PARP11: variants seen among roughly 807,000 people sequenced by gnomAD.
PARP11 encodes poly(ADP-ribose) polymerase family member 11.
In PARP11, 31 loss-of-function variants were observed where a neutral mutation model predicts 42.9. The observed-to-expected ratio is 0.72, with a 90% CI of 0.54 to 0.98. PARP11 has a LOEUF of 0.98. Among genes scored for constraint, PARP11 ranks in the 50% least tolerant of loss-of-function variants. PARP11 has a pLI of 0.00. For synonymous variants in PARP11, 137 were observed against 127.3 expected, an observed-to-expected ratio of 1.08 and a Z score of -0.51; for missense variants, 365 against 413.1, an observed-to-expected ratio of 0.88 and a Z score of 1.01.
At chr12:3,864,561 T>C (rs1157176612) in intron 1 of PARP11, among the ~76,000 whole-genome samples, 1 of 152,242 alleles carries the variant, frequency 6.6e-6, no homozygotes, top group African/African-American at 2.4e-5. Context: ...TTAGAATGAT[T>C]TTTTTCTGCA....
Position 3,840,140 on chromosome 12 carries a change from C to A in PARP11, c.19-10122G>T. 2 of 1,610,880 alleles carry A rather than the reference C, an allele frequency of 1.2e-6. No individual in the cohort carries two copies. Among genetic ancestry groups the A allele is most frequent in the Non-Finnish European group, 1.7e-6 (2 of 1,177,012 alleles). ...CAAAAACGTGATTATTCCATTGCTGCTGGCTTACAATATGAAGTTGGAGAC... is the reference window on the plus strand; with the variant it reads ...CAAAAACGTGATTATTCCATTGCTGATGGCTTACAATATGAAGTTGGAGAC... On this transcript the variant is annotated intron_variant, in intron 1 of 7. Coordinates refer to ENST00000228820, the MANE Select transcript of PARP11 (RefSeq NM_020367.6). This position sits in a 1 kb window ranked among gnomAD's most constrained non-coding sequence, Gnocchi z 4.4.
At position 3,873,386 on chromosome 12, in the gene PARP11, A is replaced by G; in HGVS notation, c.-157T>C. ...CTCCTCCCCCTCCCTGTCACAAGCC[A>G]GCGTTTACAGACCACCCAACCTCCC... On this transcript the variant is annotated 5_prime_UTR_variant, in exon 1 of 8. Transcript: ENST00000228820. The G allele has an allele frequency of 1.4e-6, 1 of 696,692 alleles. No individual in the cohort carries two copies. The highest frequency in any genetic ancestry group is 1.7e-5 in the South Asian group (1 of 57,880). The allele number at this position is 696,692 out of a possible 1,614,324, so 43.2% of individuals were successfully genotyped here.
At chr12:3,828,438 AC>A (rs1947572704) in intron 3 of PARP11, among the ~76,000 whole-genome samples, 1 of 151,084 alleles carries the variant, frequency 6.6e-6, no homozygotes, top group Non-Finnish European at 1.5e-5. Context: ...AATCCCAGCT[AC>A]TCGGGAGGCT....
intron 3 of PARP11, 34 bp from the exon 4 acceptor site, chr12:3,826,267 A>T (rs376791586): frequency 2.3e-4 from 327 of 1,436,854 alleles, no homozygotes; most frequent in Middle Eastern, 1.6e-3. Context: ...GATAAGTCAT[A>T]AAAGTACACT....
chr12:3,832,046 A>C, intron 1 of PARP11: 1 of 498,208 alleles, frequency 2.0e-6, no homozygotes, highest in Non-Finnish European at 2.6e-6. Flanking sequence ...AAAAGAGAAT[A>C]GAAAATAGGA....
intron 1 of PARP11, chr12:3,839,957 A>G (rs967562922): frequency 2.3e-6 from 3 of 1,285,934 alleles, no homozygotes; most frequent in Non-Finnish European, 3.4e-6. Flanking sequence ...GCTGCTGCTG[A>G]TGTGAATGGA....
intron 1 of PARP11, among the ~76,000 whole-genome samples, chr12:3,846,669 A>G (rs534189415): frequency 3.9e-5 from 6 of 152,108 alleles, no homozygotes; most frequent in African/African-American, 1.2e-4. Context: ...AATCAGGAAA[A>G]TGGCGTGAAC....
At chr12:3,850,228 T>TTATGTCTTTTTG (rs1328553907) in intron 1 of PARP11, among the ~76,000 whole-genome samples, 2 of 152,132 alleles carry the variant, frequency 1.3e-5, no homozygotes, top group African/African-American at 2.4e-5. Flanking sequence ...AGACATATAA[T>TTATGTCTTTTTG]TATGTAAAGT....
chr12:3,819,060 T>C (rs562837257), intron 6 of PARP11, among the ~76,000 whole-genome samples: 7 of 152,342 alleles, frequency 4.6e-5, no homozygotes, highest in Admixed American at 2.0e-4. Context: ...TCCTGACCCA[T>C]ATGTCAACTG....
At chr12:3,822,594 G>A (rs1218365466) in intron 4 of PARP11, among the ~76,000 whole-genome samples, 4 of 128,030 alleles carry the variant, frequency 3.1e-5, no homozygotes, top group African/African-American at 3.2e-5. Context: ...GCGAGACTCC[G>A]TCTCAAAAAA....
intron 1 of PARP11, among the ~76,000 whole-genome samples, chr12:3,845,344 A>T (rs1487790363): frequency 6.6e-6 from 1 of 152,204 alleles, no homozygotes; most frequent in East Asian, 1.9e-4. Context: ...CCAGACCACA[A>T]TGCCGATATA....
chr12:3,839,152 G>GGCCGCC (rs1231336835), intron 1 of PARP11, among the ~76,000 whole-genome samples: 10 of 149,266 alleles, frequency 6.7e-5, no homozygotes, highest in Admixed American at 4.7e-4. Context: ...CGCTGCCTCG[G>GGCCGCC]GCCGCCGCCG....
rs1269017861 is a variant in PARP11, at chr12:3,809,891, A to T, written c.*2232T>A. 1.3e-5 allele frequency: 2 copies of T among 152,190 alleles called. No homozygotes were observed. Among genetic ancestry groups the T allele is most frequent in the Non-Finnish European group, 2.9e-5 (2 of 68,042 alleles). The allele number at this position is 152,190 out of a possible 1,614,324, so 9.4% of individuals were successfully genotyped here. ...CTAAATATTCTCAGCACTTCATCTA[A>T]ACCAGCAGCTGGGGTGCATACCTGA... is the stretch of plus-strand genomic sequence containing the variant. On this transcript the variant is annotated 3_prime_UTR_variant, in exon 8 of 8. Coordinates refer to ENST00000228820, the MANE Select transcript of PARP11 (RefSeq NM_020367.6).
Position 3,852,879 on chromosome 12 carries a change from G to C in PARP11, c.18+20333C>G, listed in dbSNP as rs12315370. 7.5e-3 allele frequency among the ~76,000 whole-genome samples: 1,138 copies of C among 152,316 alleles called. 8 individuals carry two copies. The highest frequency in any genetic ancestry group is 0.026 in the African/African-American group (1,060 of 41,540). ...AGGAAAAAAATGTTAAGGGCAGCCAGAGAGAAAGGTCAGGTTACCCACAAA... is the reference window on the plus strand; with the variant it reads ...AGGAAAAAAATGTTAAGGGCAGCCACAGAGAAAGGTCAGGTTACCCACAAA... On this transcript the variant is annotated intron_variant, in intron 1 of 7. Transcript: ENST00000228820.
Position 3,840,739 on chromosome 12 carries a change from T to C in PARP11, c.19-10721A>G. On this transcript the variant is annotated intron_variant, in intron 1 of 7. Coordinates refer to ENST00000228820, the MANE Select transcript of PARP11 (RefSeq NM_020367.6). The surrounding 1 kb of genome is among the most constrained non-coding windows in gnomAD (Gnocchi z 4.4). ...AAGACAAAGACTCTATTCATGGACA[T>C]AGTTGGATAAAAGACCCGAACCAAG... is the stretch of plus-strand genomic sequence containing the variant. 3 of 1,319,386 alleles carry C rather than the reference T, an allele frequency of 2.3e-6. No homozygotes were observed. Among genetic ancestry groups the C allele is most frequent in the Non-Finnish European group, 3.3e-6 (3 of 910,960 alleles). The allele number at this position is 1,319,386 out of a possible 1,614,324, so 81.7% of individuals were successfully genotyped here. A position where few individuals can be genotyped will look rare whatever the true frequency, so the allele number is the denominator to read the frequency against.
At chr12:3,818,445 G>A (rs531586183) in intron 6 of PARP11, among the ~76,000 whole-genome samples, 1 of 152,100 alleles carries the variant, frequency 6.6e-6, no homozygotes, top group Admixed American at 6.5e-5. Flanking sequence ...ACTTCTTCAG[G>A]AGCTAGAATC....
intron 1 of PARP11, among the ~76,000 whole-genome samples, chr12:3,846,198 T>C (rs1263756630): frequency 1.3e-5 from 2 of 151,952 alleles, no homozygotes; most frequent in African/African-American, 4.8e-5. Context: ...TTCAAACATA[T>C]CTGAATGTAT....
intron 1 of PARP11, among the ~76,000 whole-genome samples, chr12:3,847,761 C>A (rs1948029984): frequency 6.6e-6 from 1 of 152,108 alleles, no homozygotes; most frequent in Admixed American, 6.5e-5. Context: ...AGATCTTGAA[C>A]AAGACAAAGA....
chr12:3,850,070 GGAA>G (rs1283170934), intron 1 of PARP11, among the ~76,000 whole-genome samples: 2 of 151,806 alleles, frequency 1.3e-5, no homozygotes, highest in African/African-American at 2.4e-5. Context: ...AAGGCAGGTG[GGAA>G]CAAAGCTATA....
Sources: allele counts gnomAD v4.1 joint callset (sites outside exome capture counted in the v4.1 genomes callset), GRCh38; gene constraint gnomAD v4.1.1; non-coding constraint Gnocchi (gnomAD v3.1); transcripts MANE v1.5; gene names NCBI Gene and HGNC (gene_info 2026-07-23, HGNC 2026-07-21).